HDAC9: variants seen among roughly 807,000 people sequenced by gnomAD.
HDAC9 encodes the protein MEF-2 interacting transcription repressor (MITR) protein.
A neutral mutation model predicts 139.4 loss-of-function variants in HDAC9; 41 were observed. The observed-to-expected ratio is 0.29, with a 90% CI of 0.23 to 0.38. HDAC9 has a LOEUF of 0.38. HDAC9 is among the 10% of genes least tolerant of loss of function. The pLI is 1.00. For synonymous variants in HDAC9, 517 were observed against 476.2 expected, an observed-to-expected ratio of 1.09 and a Z score of -1.12; for missense variants, 1,147 against 1,297.0, an observed-to-expected ratio of 0.88 and a Z score of 1.78.
intron 2 of HDAC9, among the ~76,000 whole-genome samples, chr7:18,583,946 C>T (rs908423896): frequency 1.3e-5 from 2 of 152,090 alleles, no homozygotes; most frequent in African/African-American, 2.4e-5. Flanking sequence ...TTTAGCTTAA[C>T]CTTTTACACT....
intron 1 of HDAC9, among the ~76,000 whole-genome samples, chr7:18,336,975 T>C (rs1319768673): frequency 2.0e-5 from 3 of 151,616 alleles, no homozygotes; most frequent in Non-Finnish European, 4.4e-5. Context: ...TAAAATGAGC[T>C]CTGCTTGTGC....
chr7:18,604,471 A>G (rs1010242479), intron 6 of HDAC9, among the ~76,000 whole-genome samples: 1 of 149,176 alleles, frequency 6.7e-6, no homozygotes, highest in Admixed American at 6.7e-5. Context: ...CAGTGGCGTG[A>G]TCTTGGCTCA....
At chr7:18,991,770 A>C (rs536161031) in intron 25 of HDAC9, among the ~76,000 whole-genome samples, 2 of 152,356 alleles carry the variant, frequency 1.3e-5, no homozygotes, top group South Asian at 4.1e-4. Flanking sequence ...TCTTTGTCCA[A>C]ACTGATTAGT....
intron 1 of HDAC9, among the ~76,000 whole-genome samples, chr7:18,160,061 G>A (rs1484810137): frequency 6.6e-6 from 1 of 152,176 alleles, no homozygotes; most frequent in African/African-American, 2.4e-5. Context: ...AGTGGGAGAA[G>A]TTAACTGCTG....
At chr7:18,710,559 C>T (rs536590962) in intron 12 of HDAC9, among the ~76,000 whole-genome samples, 2 of 152,096 alleles carry the variant, frequency 1.3e-5, no homozygotes, top group South Asian at 2.1e-4. Context: ...AAAAATTTCA[C>T]GCATAATCAA....
At chr7:18,891,910 G>C (rs1177328489) in intron 22 of HDAC9, among the ~76,000 whole-genome samples, 2 of 152,028 alleles carry the variant, frequency 1.3e-5, no homozygotes, top group East Asian at 3.9e-4. Flanking sequence ...ATTAGATCCA[G>C]CTTATCTATT....
At chr7:18,111,231 A>G (rs796529266) in intron 1 of HDAC9, among the ~76,000 whole-genome samples, 30 of 152,326 alleles carry the variant, frequency 2.0e-4, no homozygotes, top group African/African-American at 7.2e-4. Context: ...CTCATAAGGA[A>G]GTCTTCTGTC....
At chr7:18,948,181 G>A (rs1782535115) in intron 23 of HDAC9, among the ~76,000 whole-genome samples, 1 of 152,010 alleles carries the variant, frequency 6.6e-6, no homozygotes. Flanking sequence ...TACTCTTACT[G>A]CTTCATTTCA....
intron 25 of HDAC9, 53 bp downstream of exon 25, chr7:18,976,006 G>A (rs189670839): frequency 1.0e-5 from 16 of 1,554,138 alleles, no homozygotes; most frequent in East Asian, 6.8e-5. Context: ...CAGGCTCATC[G>A]TTGATATTTG....
At chr7:18,120,679 T>C (rs1443292551) in intron 1 of HDAC9, among the ~76,000 whole-genome samples, 1 of 152,178 alleles carries the variant, frequency 6.6e-6, no homozygotes, top group Non-Finnish European at 1.5e-5. Flanking sequence ...ATGTAATATT[T>C]TTGGCAAAAA....
chr7:18,265,513 C>A (rs1156506283), intron 2 of HDAC9, among the ~76,000 whole-genome samples: 1 of 152,142 alleles, frequency 6.6e-6, no homozygotes, highest in Non-Finnish European at 1.5e-5. Context: ...AGAGTCTATG[C>A]ACATTTCTTA....
intron 9 of HDAC9, among the ~76,000 whole-genome samples, chr7:18,646,598 C>G (rs1787512753): frequency 6.6e-6 from 1 of 152,132 alleles, no homozygotes; most frequent in East Asian, 1.9e-4. Context: ...TACTGTGTGA[C>G]TCAGACAAAC....
At chr7:18,717,154 G>T (rs770622322) in intron 12 of HDAC9, among the ~76,000 whole-genome samples, 2 of 152,022 alleles carry the variant, frequency 1.3e-5, no homozygotes, top group Non-Finnish European at 2.9e-5. Context: ...CTCCTTAGAG[G>T]CTCACCACTG....
At chr7:18,172,095 G>A (rs1222218485) in intron 2 of HDAC9, among the ~76,000 whole-genome samples, 1 of 152,242 alleles carries the variant, frequency 6.6e-6, no homozygotes, top group African/African-American at 2.4e-5. Context: ...TGGTTGGTAG[G>A]CTGTTAATTA....
At chr7:18,313,512 A>T (rs1436332418) in intron 1 of HDAC9, among the ~76,000 whole-genome samples, 1 of 152,202 alleles carries the variant, frequency 6.6e-6, no homozygotes, top group African/African-American at 2.4e-5. Flanking sequence ...GCATTTAGTA[A>T]AGATGTGGAA....
intron 2 of HDAC9, among the ~76,000 whole-genome samples, chr7:18,174,907 C>T (rs748343506): frequency 2.1e-4 from 32 of 152,162 alleles, no homozygotes; most frequent in Non-Finnish European, 3.5e-4. Context: ...GGCTACATGG[C>T]GGCCAGGGAC....
At chr7:18,542,714 G>C (rs924745164) in intron 2 of HDAC9, among the ~76,000 whole-genome samples, 1 of 152,138 alleles carries the variant, frequency 6.6e-6, no homozygotes, top group Admixed American at 6.5e-5. Flanking sequence ...AAAAGGCCCT[G>C]TACTGTACTG....
intron 1 of HDAC9, among the ~76,000 whole-genome samples, chr7:18,148,294 C>T (rs1007504868): frequency 9.2e-5 from 14 of 152,126 alleles, no homozygotes; most frequent in African/African-American, 3.1e-4. Context: ...AATCCATTTG[C>T]TTTCCTTTTT....
chr7:18,761,327 C>T (rs561796983), intron 14 of HDAC9, among the ~76,000 whole-genome samples: 2 of 152,320 alleles, frequency 1.3e-5, no homozygotes, highest in East Asian at 3.9e-4. Flanking sequence ...GTGAAAGTCT[C>T]TGCCTAGCCT....
Sources: gnomAD v4.1 joint callset for allele counts (sites outside exome capture counted in the v4.1 genomes callset) on GRCh38, gnomAD v4.1.1 for gene constraint, MANE v1.5 for transcripts, NCBI Gene and HGNC (gene_info 2026-07-23, HGNC 2026-07-21) for gene names.